KDM5A: variants seen among roughly 807,000 people sequenced by gnomAD.
KDM5A encodes the protein lysine demethylase 5A, also known as lysine-specific demethylase 5A.
Under a neutral mutation model 193.5 loss-of-function variants are expected in KDM5A, and 42 were observed. The observed-to-expected ratio is 0.22, with a 90% CI of 0.17 to 0.28. The LOEUF (loss-of-function observed/expected upper bound fraction) is 0.28, where lower values mean the gene tolerates loss of function less well. KDM5A is among the 10% of genes least tolerant of loss of function. KDM5A has a pLI of 1.00. For missense variants in KDM5A, 1,692 were observed against 2,055.1 expected (o/e 0.82, Z 3.42); for synonymous variants, 796 against 718.1 (o/e 1.11, Z -1.73).
At chr12:362,885 G>C (rs1359569477) in intron 5 of KDM5A, 78 bp downstream of exon 5, 2 of 1,340,872 alleles carry the variant, frequency 1.5e-6, no homozygotes, top group Admixed American at 3.4e-5. Context: ...TTGAGCCAAG[G>C]AGTTCAAGGC....
chr12:332,343 G>A (rs1265615195), intron 12 of KDM5A, among the ~76,000 whole-genome samples: 2 of 152,182 alleles, frequency 1.3e-5, no homozygotes, highest in Non-Finnish European at 2.9e-5. Flanking sequence ...CATGGCATAT[G>A]AGACATCCCC....
At chr12:360,840 T>C (rs961047865) in intron 5 of KDM5A, among the ~76,000 whole-genome samples, 1 of 151,786 alleles carries the variant, frequency 6.6e-6, no homozygotes, top group African/African-American at 2.4e-5. Context: ...ACAGAGTAGG[T>C]GGGAGAGAAA....
At chr12:379,916 C>T (rs1441450334) in intron 3 of KDM5A, among the ~76,000 whole-genome samples, 1 of 152,184 alleles carries the variant, frequency 6.6e-6, no homozygotes, top group Non-Finnish European at 1.5e-5. Context: ...ACTAAGTATT[C>T]AGACTAGGTT....
chr12:367,942 A>G (rs1591935152), intron 3 of KDM5A, among the ~76,000 whole-genome samples: 1 of 152,204 alleles, frequency 6.6e-6, no homozygotes, highest in African/African-American at 2.4e-5. Context: ...ATATATACTC[A>G]AAGAACTGAA....
intron 1 of KDM5A, 66 bp downstream of exon 1, chr12:388,861 G>A (rs1944685194): frequency 1.3e-6 from 2 of 1,537,810 alleles, no homozygotes; most frequent in East Asian, 4.5e-5. Context: ...GAAAAGTAAA[G>A]CTAAACCCAG....
intron 1 of KDM5A, 104 bp from the exon 2 acceptor site, chr12:386,078 G>T: frequency 2.5e-6 from 2 of 789,466 alleles, no homozygotes; most frequent in Non-Finnish European, 2.2e-6. Flanking sequence ...GGTGCTAATA[G>T]ACTAACTTAC....
chr12:318,144 T>C lies in KDM5A; in HGVS notation c.2859A>G (p.Glu953=). The stretch of plus-strand genomic sequence containing the variant: ...AGACCTTAGCCTTTTCTTCCCATCG[T>C]TCAGAGACTGTAAGGAGCTCCTGTA... ...AELQELLTVS[E]RWEEKAKVCL... The change falls in exon 19 of 28, where the codon GAA becomes GAG. Residue 953 remains glutamate (E), a synonymous_variant. Transcript: ENST00000399788. 3 of 1,614,252 alleles carry C rather than the reference T, an allele frequency of 1.9e-6. No individual in the cohort carries two copies. The highest frequency in any genetic ancestry group is 2.5e-6 in the Non-Finnish European group (3 of 1,180,030).
At chr12:322,658 C>T in intron 16 of KDM5A, 91 bp from the exon 17 acceptor site, 1 of 994,814 alleles carries the variant, frequency 1.0e-6, no homozygotes, top group Admixed American at 1.9e-5. Flanking sequence ...AAGTGAGTCC[C>T]CAACCTACTT....
chr12:284,558 G>C lies in KDM5A; in HGVS notation c.*898C>G, dbSNP rs116745728. 5.7e-3 allele frequency: 1,321 copies of C among 232,772 alleles called. 11 individuals are homozygous for C. Among genetic ancestry groups the C allele is most frequent in the African/African-American group, 0.026 (1,185 of 45,384 alleles). The allele number at this position is 232,772 out of a possible 1,614,324, so 14.4% of individuals were successfully genotyped here. A position where few individuals can be genotyped will look rare whatever the true frequency, so the allele number is the denominator to read the frequency against. On this transcript the variant is annotated 3_prime_UTR_variant, in exon 28 of 28. Transcript: ENST00000399788. ...GAAGCCTGGTGTCTGGAATACTTGTGAATGAAGTTTTCCCCGAAAAGCATG... is the reference window on the plus strand; with the variant it reads ...GAAGCCTGGTGTCTGGAATACTTGTCAATGAAGTTTTCCCCGAAAAGCATG...
chr12:381,322 C>G (rs1340794041), intron 3 of KDM5A, among the ~76,000 whole-genome samples: 1 of 151,712 alleles, frequency 6.6e-6, no homozygotes, highest in African/African-American at 2.4e-5. Context: ...GTTGGCCAGG[C>G]TGGTCTCAAA....
rs1433993597 is a variant in KDM5A, at chr12:356,424, A to T, written c.778+8T>A. 1.3e-6 allele frequency: 2 copies of T among 1,558,260 alleles called. No individual in the cohort carries two copies. The highest frequency in any genetic ancestry group is 1.8e-6 in the Non-Finnish European group (2 of 1,129,520). The stretch of plus-strand genomic sequence containing the variant: ...TATCTCTTTTCATGATCAAACAACA[A>T]ATTTTACCTTCTTTATCTTTTGTTC... On this transcript the variant is annotated splice_region_variant and intron_variant, in intron 6 of 27. Coordinates refer to ENST00000399788, the MANE Select transcript of KDM5A (RefSeq NM_001042603.3).
chr12:333,504 T>C lies in KDM5A; in HGVS notation c.1636A>G (p.Met546Val), dbSNP rs767612195. ...AGACTCACAGGCACACCATGCTCCA[T>C]TAGCACGTTGGGGTTCATGATGGTA... ...LVTIMNPNVLMEHGVPVYRTN... is the reference protein window; with the variant it reads ...LVTIMNPNVLVEHGVPVYRTN... Residue 546 changes from methionine (M) to valine (V), a missense_variant, in exon 12 of 28, where the codon ATG becomes GTG. Physicochemically the swap from Met to Val is conservative, Grantham distance 21. Transcript: ENST00000399788. The C allele has an allele frequency of 6.2e-7, 1 of 1,614,142 alleles. No individual in the cohort carries two copies. The highest frequency in any genetic ancestry group is 8.5e-7 in the Non-Finnish European group (1 of 1,180,020).
intron 3 of KDM5A, 129 bp downstream of exon 3, chr12:383,902 C>G: frequency 9.9e-6 from 10 of 1,014,956 alleles, no homozygotes; most frequent in Non-Finnish European, 1.5e-5. Context: ...GCATGCGCCA[C>G]CATACCCAGC....
At chr12:309,772 A>G in intron 22 of KDM5A, 31 bp downstream of exon 22, 2 of 1,612,806 alleles carry the variant, frequency 1.2e-6, no homozygotes, top group Non-Finnish European at 8.5e-7. Flanking sequence ...GTATTCACCA[A>G]GCAAACTCAA....
intron 18 of KDM5A, among the ~76,000 whole-genome samples, chr12:320,271 T>A (rs2137406584): frequency 6.6e-6 from 1 of 152,266 alleles, no homozygotes; most frequent in South Asian, 2.1e-4. Flanking sequence ...CCGAGGCGCG[T>A]GGACCACTTG....
At chr12:355,303 A>C in intron 6 of KDM5A, 54 bp from the exon 7 acceptor site, 1 of 934,252 alleles carries the variant, frequency 1.1e-6, no homozygotes, top group Non-Finnish European at 1.8e-6. Context: ...AGAGCTTACT[A>C]TGGACCAGAC....
chr12:373,333 C>G (rs1184660668), intron 3 of KDM5A, among the ~76,000 whole-genome samples: 3 of 152,182 alleles, frequency 2.0e-5, no homozygotes, highest in East Asian at 1.9e-4. Flanking sequence ...GGGTGTATGT[C>G]TCCAGGAATT....
intron 22 of KDM5A, among the ~76,000 whole-genome samples, chr12:308,708 C>T (rs1463580860): frequency 2.0e-5 from 3 of 152,358 alleles, no homozygotes; most frequent in African/African-American, 2.4e-5. Flanking sequence ...TCCAGTCCTA[C>T]TTGTCTAGCA....
rs2137365182 is a variant in KDM5A at position 292,914 on chromosome 12, C to T, written c.4711G>A (p.Ala1571Thr). ...CTCTCTTTCACAAGTTCAACTTTGG[C>T]TGCAGCAGCCTTCTCCTTCTTTTTC... is the stretch of plus-strand genomic sequence containing the variant. ...RKKKKEKAAA[A>T]KVELVKESTE... The change falls in exon 27 of 28, where the codon GCC becomes ACC. Residue 1571 changes from alanine to threonine, a missense_variant. Ala to Thr is a moderately conservative substitution (Grantham distance 58). This residue lies in a region of KDM5A where 965 missense variants were observed against 1,061.0 expected (regional missense o/e 0.91). Coordinates refer to ENST00000399788, the MANE Select transcript of KDM5A (RefSeq NM_001042603.3). The T allele has an allele frequency of 1.2e-6, 2 of 1,614,082 alleles. No homozygotes were observed. Among genetic ancestry groups the T allele is most frequent in the Non-Finnish European group, 1.7e-6 (2 of 1,180,030 alleles).
Sources: allele counts gnomAD v4.1 joint callset (sites outside exome capture counted in the v4.1 genomes callset), GRCh38; gene constraint gnomAD v4.1.1; regional missense constraint gnomAD v4.1.1; transcripts MANE v1.5; gene names NCBI Gene and HGNC (gene_info 2026-07-23, HGNC 2026-07-21).